Variants in COPE observed in about 807,000 individuals in gnomAD.
COPE encodes the protein coat protein complex I subunit epsilon.
COPE carries 19 observed loss-of-function variants against 42.1 expected under a neutral mutation model. The observed-to-expected ratio is 0.45, with a 90% CI of 0.31 to 0.66. The LOEUF (loss-of-function observed/expected upper bound fraction) is 0.66, where lower values mean the gene tolerates loss of function less well. Ranked by LOEUF, COPE falls within the 30% of genes least tolerant of loss-of-function variation. The pLI, the probability that COPE is intolerant of heterozygous loss-of-function variation, is 0.05. For synonymous variants in COPE, 195 were observed against 181.3 expected (o/e 1.08, Z -0.60); for missense variants, 402 against 416.1 (o/e 0.97, Z 0.30).
rs530184657 is a variant in COPE at position 18,901,076 on chromosome 19, C to T, written c.736-627G>A. On this transcript the variant is annotated intron_variant, in intron 7 of 9. Transcript: ENST00000262812. The stretch of plus-strand genomic sequence containing the variant: ...CACCATGAAGGGGGACACCAGCTTG[C>T]GCTCACAGGAGCAGCCATGAGGTGG... Among the ~76,000 whole-genome samples the T allele has an allele frequency of 9.2e-4, 140 of 152,338 alleles. No individual in the cohort carries two copies. The South Asian group carries it at 0.013, about 14-fold the overall frequency.
chr19:18,915,436 C>T (rs2056846350), intron 1 of COPE, among the ~76,000 whole-genome samples: 1 of 152,208 alleles, frequency 6.6e-6, no homozygotes, highest in African/African-American at 2.4e-5. Flanking sequence ...GTGACCCTGA[C>T]GTGAGGCTCT....
intron 3 of COPE, among the ~76,000 whole-genome samples, chr19:18,907,715 C>T (rs1048506067): frequency 2.6e-5 from 4 of 152,240 alleles, no homozygotes; most frequent in Admixed American, 2.6e-4. Context: ...GACCCAGACC[C>T]TCCATTCCCC....
intron 1 of COPE, among the ~76,000 whole-genome samples, chr19:18,913,722 G>A (rs566096241): frequency 2.0e-5 from 3 of 152,250 alleles, no homozygotes; most frequent in East Asian, 3.9e-4. Context: ...GAGGGTGCTC[G>A]CCCAGGCCCC....
rs1284390558 is a variant in COPE at position 18,904,770 on chromosome 19, C to T, written c.579+1G>A. On this transcript the variant is annotated splice_donor_variant, in intron 6 of 9. Transcript: ENST00000262812. LOFTEE classifies it high-confidence loss of function. The stretch of plus-strand genomic sequence containing the variant: ...CACCCACCTCATGGCCTAGGGCTCA[C>T]CGTGGCCAGGCTGACCCAGGCAGTG... The T allele has an allele frequency of 6.4e-7, 1 of 1,551,980 alleles. No homozygotes were observed. Among genetic ancestry groups the T allele is most frequent in the Non-Finnish European group, 8.7e-7 (1 of 1,147,244 alleles).
chr19:18,899,774 G>A, intron 9 of COPE, 48 bp from the exon 10 acceptor site: 2 of 1,612,328 alleles, frequency 1.2e-6, no homozygotes, highest in South Asian at 2.2e-5. Context: ...GGTGTGGGGA[G>A]ACAGGTGGAG....
In COPE at chr19:18,900,450, C is replaced by T. The variant is rs748903500; in HGVS notation, c.736-1G>A. ...CCAGCGTCTCTGGGTAGCCACTATC[C>T]TGGAGACACAGGCAGACACGGGGAG... On this transcript the variant is annotated splice_acceptor_variant, in intron 7 of 9. Transcript: ENST00000262812. LOFTEE classifies it high-confidence loss of function. 20 of 1,547,448 alleles carry T rather than the reference C, an allele frequency of 1.3e-5. No individual in the cohort carries two copies. Among genetic ancestry groups the T allele is most frequent in the Non-Finnish European group, 2.6e-6 (3 of 1,144,892 alleles).
chr19:18,914,212 C>G (rs958835733), intron 1 of COPE, among the ~76,000 whole-genome samples: 52 of 152,124 alleles, frequency 3.4e-4, no homozygotes, highest in African/African-American at 8.9e-4. Flanking sequence ...ATGGGATGGA[C>G]AGGTGAAATA....
At chr19:18,903,481 C>T in intron 6 of COPE, 58 bp from the exon 7 acceptor site, 1 of 1,539,064 alleles carries the variant, frequency 6.5e-7, no homozygotes, top group East Asian at 2.4e-5. Context: ...CTTCCCCCGC[C>T]AGCCCCCTCC....
chr19:18,917,290 G>A (rs1601238661), intron 1 of COPE, among the ~76,000 whole-genome samples: 1 of 131,650 alleles, frequency 7.6e-6, no homozygotes, highest in African/African-American at 2.8e-5. Context: ...GACATAGTAA[G>A]AGCACCAACA....
chr19:18,911,199 C>T (rs2056806974), intron 2 of COPE, 128 bp from the exon 3 acceptor site: 1 of 751,112 alleles, frequency 1.3e-6, no homozygotes, highest in South Asian at 1.5e-5. Context: ...CAGCATGGGC[C>T]ACCTCCACTG....
intron 1 of COPE, among the ~76,000 whole-genome samples, chr19:18,918,326 A>G (rs1215360545): frequency 6.6e-6 from 1 of 151,986 alleles, no homozygotes; most frequent in African/African-American, 2.4e-5. Context: ...CCGACCCTGA[A>G]TCCTTAAAAA....
At chr19:18,909,072 C>T (rs764227514) in intron 3 of COPE, among the ~76,000 whole-genome samples, 2 of 152,250 alleles carry the variant, frequency 1.3e-5, no homozygotes, top group African/African-American at 4.8e-5. Context: ...CCAATGAGGT[C>T]GCGGCTGTGC....
intron 8 of COPE, 141 bp from the exon 9 acceptor site, chr19:18,900,088 G>A (rs1256111026): frequency 9.9e-6 from 7 of 707,574 alleles, no homozygotes; most frequent in East Asian, 2.8e-5. Flanking sequence ...GGCTGATCTC[G>A]GAGAACCTTC....
chr19:18,910,007 G>A (rs1316281502), intron 3 of COPE, among the ~76,000 whole-genome samples: 2 of 152,210 alleles, frequency 1.3e-5, no homozygotes, highest in East Asian at 1.9e-4. Flanking sequence ...TGCTGCCTCT[G>A]CACAGGAGTC....
chr19:18,899,797 G>A, intron 9 of COPE, 71 bp from the exon 10 acceptor site: 9 of 1,608,124 alleles, frequency 5.6e-6, no homozygotes, highest in Non-Finnish European at 7.7e-6. Flanking sequence ...AGAGAGAGAG[G>A]GCGCATGTGA....
intron 2 of COPE, among the ~76,000 whole-genome samples, chr19:18,912,483 G>A (rs1019267285): frequency 8.6e-5 from 13 of 151,956 alleles, no homozygotes; most frequent in Non-Finnish European, 1.9e-4. Context: ...AATCGGCTGG[G>A]CGCGTTGGCT....
chr19:18,899,750 C>A, intron 9 of COPE, 24 bp from the exon 10 acceptor site: 2 of 1,613,640 alleles, frequency 1.2e-6, no homozygotes, highest in Non-Finnish European at 1.7e-6. Context: ...CATGGCAACA[C>A]AGGGTGGGGG....
intron 3 of COPE, chr19:18,910,412 C>A (rs2056798435): frequency 1.3e-5 from 2 of 154,900 alleles, no homozygotes; most frequent in African/African-American, 4.8e-5. Flanking sequence ...ACGGTGAAAC[C>A]CAGTCTCTGC....
chr19:18,909,534 T>C (rs1056756724), intron 3 of COPE, among the ~76,000 whole-genome samples: 1 of 151,430 alleles, frequency 6.6e-6, no homozygotes, highest in Admixed American at 6.6e-5. Flanking sequence ...TTTTTTTTTT[T>C]TTTTAAGACA....
Sources: gnomAD v4.1 joint callset for allele counts (sites outside exome capture counted in the v4.1 genomes callset) on GRCh38, gnomAD v4.1.1 for gene constraint, MANE v1.5 for transcripts, NCBI Gene and HGNC (gene_info 2026-07-23, HGNC 2026-07-21) for gene names.